The following P2RX5 variants were observed in gnomAD, a reference collection of about 807,000 sequenced individuals.
P2RX5 encodes the protein P2X purinoceptor 5.
A neutral mutation model predicts 54.1 loss-of-function variants in P2RX5; 46 were observed. The observed-to-expected ratio is 0.85, with a 90% CI of 0.67 to 1.09. P2RX5 has a LOEUF of 1.09. Among genes scored for constraint, P2RX5 ranks in the 50% least tolerant of loss-of-function variants. The probability of loss-of-function intolerance (pLI) is 0.00; values close to 1 mark genes in which losing one functional copy is unlikely to be tolerated. For missense variants in P2RX5, 566 were observed against 549.8 expected (o/e 1.03, Z -0.29); for synonymous variants, 226 against 226.4 (o/e 1.00, Z 0.02).
rs1265868993 is a variant in P2RX5, at chr17:3,688,057, CA to C, written c.935del (p.Leu312ArgfsTer2). On this transcript the variant is annotated frameshift_variant, in exon 9 of 12. Transcript: ENST00000225328. LOFTEE classifies it high-confidence loss of function. ...CAAAGCGGATCCCGTAGGCTTTCAT[CA>C]GGGTGCGGAACTCCACCCCGGCTGC... ...RDAAGVEFRT[L>X]MKAYGIRFDV... 1 of 1,605,694 alleles carries C rather than the reference CA, an allele frequency of 6.2e-7. No homozygotes were observed. The highest frequency in any genetic ancestry group is 1.7e-5 in the Admixed American group (1 of 59,368).
chr17:3,723,586 A>G, the P2RX5 span: 1 of 1,261,596 alleles, frequency 7.9e-7, no homozygotes, highest in Non-Finnish European at 1.1e-6. Context: ...AGCCCCCGGC[A>G]CTGGCCGGCA....
chr17:3,716,467 A>G, the P2RX5 span, among the ~76,000 whole-genome samples: 1 of 152,184 alleles, frequency 6.6e-6, no homozygotes, highest in Admixed American at 6.5e-5. Flanking sequence ...TACCAAAGAA[A>G]TATATATAAA....
chr17:3,723,432 C>G, the P2RX5 span: 1 of 1,388,332 alleles, frequency 7.2e-7, no homozygotes. Flanking sequence ...TGCGGAAAGT[C>G]TGAAATCTTT....
the P2RX5 span, chr17:3,720,424 G>A: frequency 9.2e-7 from 1 of 1,082,456 alleles, no homozygotes; most frequent in Non-Finnish European, 1.4e-6. Flanking sequence ...GGAAAGGAAT[G>A]AGGGAAACAA....
the P2RX5 span, among the ~76,000 whole-genome samples, chr17:3,709,415 CG>C: frequency 6.6e-6 from 1 of 152,080 alleles, no homozygotes; most frequent in Non-Finnish European, 1.5e-5. Flanking sequence ...GCAAGTCAAC[CG>C]AAGTTGGGAA....
the P2RX5 span, among the ~76,000 whole-genome samples, chr17:3,719,252 A>AAAAG: frequency 1.4e-3 from 187 of 130,156 alleles, no homozygotes; most frequent in Middle Eastern, 3.8e-3. Flanking sequence ...AAAAAAAAAA[A>AAAAG]AAAAGAAAAG....
chr17:3,677,427 C>T (rs1483906742), intron 11 of P2RX5: 2 of 985,302 alleles, frequency 2.0e-6, no homozygotes, highest in Non-Finnish European at 2.4e-6. Flanking sequence ...GCTGGCTTCC[C>T]CACTAAGAGC....
intron 11 of P2RX5, chr17:3,676,026 C>T (rs894639995): frequency 1.3e-4 from 128 of 985,262 alleles, no homozygotes; most frequent in Middle Eastern, 5.2e-4. Flanking sequence ...TCACCACCCC[C>T]GCCTTTCTGT....
chr17:3,689,997 C>A (rs1370381439), intron 6 of P2RX5, 73 bp downstream of exon 6: 1 of 1,329,352 alleles, frequency 7.5e-7, no homozygotes. Flanking sequence ...CAGGCAGAGA[C>A]CCACGGAGGG....
chr17:3,682,834 G>T (rs551227756), intron 9 of P2RX5: 6 of 152,340 alleles, frequency 3.9e-5, no homozygotes, highest in African/African-American at 1.4e-4. Flanking sequence ...AGACCAGCCT[G>T]GCCAACATGG....
At chr17:3,693,047 CA>C (rs756096836) in intron 1 of P2RX5, among the ~76,000 whole-genome samples, 2 of 102,258 alleles carry the variant, frequency 2.0e-5, no homozygotes, top group African/African-American at 7.3e-5. Flanking sequence ...CCAGAAGATA[CA>C]AAAAACTCTT....
rs750820489 is a variant in P2RX5 at position 3,689,538 on chromosome 17, G to C, written c.707C>G (p.Ser236Cys). Reference sequence around the variant, plus strand: ...GTCGCTCCCGGCCCAGCGGATCACGGAGCCCAGTCGGAAGATGGGGCAGTA... The same window carrying C: ...GTCGCTCCCGGCCCAGCGGATCACGCAGCCCAGTCGGAAGATGGGGCAGTA... ...NHYCPIFRLG[S>C]VIRWAGSDFQ... Residue 236 changes from serine to cysteine, a missense_variant, in exon 7 of 12, where the codon TCC becomes TGC. Physicochemically the swap from Ser to Cys is moderately radical, Grantham distance 112 (BLOSUM62 -1). Transcript: ENST00000225328. 21 of 1,614,080 alleles carry C rather than the reference G, an allele frequency of 1.3e-5. No homozygotes were observed. The highest frequency in any genetic ancestry group is 1.6e-5 in the Non-Finnish European group (19 of 1,180,046).
At chr17:3,674,668 C>T (rs1203968198) in intron 11 of P2RX5, among the ~76,000 whole-genome samples, 2 of 152,256 alleles carry the variant, frequency 1.3e-5, no homozygotes. Flanking sequence ...TGTCTGCCGC[C>T]TTCACCCAGG....
chr17:3,674,193 C>T (rs1278402398), intron 11 of P2RX5, among the ~76,000 whole-genome samples: 1 of 152,178 alleles, frequency 6.6e-6, no homozygotes, highest in Non-Finnish European at 1.5e-5. Context: ...CGCCTGTAGT[C>T]CCAGCTACTC....
At chr17:3,723,694 C>T in the P2RX5 span, 1 of 1,599,092 alleles carries the variant, frequency 6.3e-7, no homozygotes, top group African/African-American at 1.3e-5. Context: ...TTACCTGAAC[C>T]GAACTGTACG....
the P2RX5 span, among the ~76,000 whole-genome samples, chr17:3,713,219 G>C: frequency 6.6e-6 from 1 of 151,998 alleles, no homozygotes; most frequent in African/African-American, 2.4e-5. Flanking sequence ...AAATGAGCCG[G>C]GCATAGTGGC....
chr17:3,719,235 C>CAA, the P2RX5 span, among the ~76,000 whole-genome samples: 8 of 66,196 alleles, frequency 1.2e-4, no homozygotes, highest in South Asian at 5.7e-4. Context: ...GATTCTTCCT[C>CAA]AAAAAAAAAA....
chr17:3,719,323 G>A, the P2RX5 span, among the ~76,000 whole-genome samples: 2 of 151,562 alleles, frequency 1.3e-5, no homozygotes, highest in Admixed American at 1.3e-4. Flanking sequence ...CATGTCTAGA[G>A]AATTGCTCCT....
chr17:3,691,061 C>T, intron 2 of P2RX5, 34 bp from the exon 3 acceptor site: 1 of 1,530,554 alleles, frequency 6.5e-7, no homozygotes, highest in South Asian at 1.1e-5. Flanking sequence ...GGAACCTCCT[C>T]CTGCCCCTTA....
Sources: allele counts gnomAD v4.1 joint callset (sites outside exome capture counted in the v4.1 genomes callset), GRCh38; gene constraint gnomAD v4.1.1; transcripts MANE v1.5; gene names NCBI Gene and HGNC (gene_info 2026-07-23, HGNC 2026-07-21).